Variants in SUN1 observed in about 807,000 individuals in gnomAD.
SUN1 encodes the protein Sad1 and UNC84 domain containing 1, also known as SUN domain-containing protein 1.
In SUN1, 61 loss-of-function variants were observed where a neutral mutation model predicts 103.2. The observed-to-expected ratio is 0.59, with a 90% CI of 0.48 to 0.73. The LOEUF is 0.73. Among genes scored for constraint, SUN1 ranks in the 30% least tolerant of loss-of-function variants. SUN1 has a pLI of 0.00. For missense variants in SUN1, 1,052 were observed against 1,034.6 expected (o/e 1.02, Z -0.23); for synonymous variants, 490 against 425.7 (o/e 1.15, Z -1.86).
intron 1 of SUN1, among the ~76,000 whole-genome samples, chr7:836,639 C>G (rs1030459194): frequency 6.6e-6 from 1 of 152,194 alleles, no homozygotes; most frequent in African/African-American, 2.4e-5. Flanking sequence ...TTACTGAAGC[C>G]TTCGTGTTCT....
At chr7:862,118 G>A (rs1022082672) in intron 15 of SUN1, among the ~76,000 whole-genome samples, 9 of 152,244 alleles carry the variant, frequency 5.9e-5, no homozygotes, top group African/African-American at 1.4e-4. Context: ...CCTGCTTCAC[G>A]TCCGCTCAGG....
Position 852,924 on chromosome 7 carries a change from C to T in SUN1, c.1025C>T (p.Thr342Met), listed in dbSNP as rs544208812. ...VDDPQDVFKP[T>M]TSRLKQPLQG... Reference sequence around the variant, plus strand: ...GACCCCCAGGACGTGTTTAAACCCACGACTTCTCGCCTGAAGCAGCCTCTG... The same window carrying T: ...GACCCCCAGGACGTGTTTAAACCCATGACTTCTCGCCTGAAGCAGCCTCTG... Residue 342 changes from threonine (T) to methionine (M), a missense_variant, in exon 9 of 19, where the codon ACG becomes ATG. By Grantham distance (81) the Thr-to-Met change is moderately conservative. Transcript: ENST00000401592. 3.9e-5 allele frequency: 63 copies of T among 1,613,576 alleles called. No individual in the cohort carries two copies. Among genetic ancestry groups the T allele is most frequent in the Admixed American group, 6.7e-5 (4 of 59,942 alleles).
At position 841,948 on chromosome 7, in the gene SUN1, C is replaced by T; in HGVS notation, c.269C>T (p.Thr90Ile). Residue 90 changes from threonine to isoleucine, a missense_variant and splice_region_variant, in exon 3 of 19, where the codon ACA becomes ATA. Around this residue, in one of 2 missense-constraint regions of SUN1, gnomAD observed 846 missense variants for 774.5 expected, o/e 1.09. Coordinates refer to ENST00000401592, the MANE Select transcript of SUN1 (RefSeq NM_001130965.3). ...AVSLKNRAARTTKQRRSTNKS... is the reference protein window; with the variant it reads ...AVSLKNRAARITKQRRSTNKS... ...TTGCTGTTTTTTTTTCTTCTTAGAA[C>T]AACAAAACAGCGCAGAAGCACAAAC... is the stretch of plus-strand genomic sequence containing the variant. 2 of 1,613,656 alleles carry T rather than the reference C, an allele frequency of 1.2e-6. No individual in the cohort carries two copies. The highest frequency in any genetic ancestry group is 2.2e-5 in the South Asian group (2 of 91,054).
At chr7:835,320 C>T (rs1161902842) in intron 1 of SUN1, among the ~76,000 whole-genome samples, 1 of 152,218 alleles carries the variant, frequency 6.6e-6, no homozygotes, top group Non-Finnish European at 1.5e-5. Flanking sequence ...CGAACACTTA[C>T]TCTCAACTTC....
At position 860,347 on chromosome 7, in the gene SUN1, G is replaced by A. The variant is rs751248118; in HGVS notation, c.1744G>A (p.Val582Met). 1 of 1,614,204 alleles carries A rather than the reference G, an allele frequency of 6.2e-7. No individual in the cohort carries two copies. Among genetic ancestry groups the A allele is most frequent in the Non-Finnish European group, 8.5e-7 (1 of 1,180,014 alleles). Residue 582 changes from valine to methionine, a missense_variant, in exon 14 of 19, where the codon GTG becomes ATG. Val to Met is a conservative substitution (Grantham distance 21, BLOSUM62 1). Transcript: ENST00000401592. ...AACCTCAGAAGCCGTGGTGTCTGCT[G>A]TGAGCGAGGCGGGGGCGTCTGGAAT... ...LPTSEAVVSA[V>M]SEAGASGITE...
At chr7:843,854 A>G in intron 5 of SUN1, 1 of 1,345,460 alleles carries the variant, frequency 7.4e-7, no homozygotes, top group South Asian at 1.7e-5. Flanking sequence ...AGATGTTCAC[A>G]CATACTGAAG....
intron 6 of SUN1, 100 bp from the exon 7 acceptor site, chr7:851,850 C>G: frequency 7.8e-7 from 1 of 1,274,618 alleles, no homozygotes. Context: ...CCAGCTTCAT[C>G]TTCATGTGCT....
chr7:842,206 C>A, intron 3 of SUN1, 76 bp downstream of exon 3: 1 of 1,519,564 alleles, frequency 6.6e-7, no homozygotes. Context: ...AGAGGGGAGG[C>A]GGTGGCCAGG....
intron 6 of SUN1, chr7:851,747 C>T: frequency 3.2e-6 from 2 of 629,470 alleles, no homozygotes; most frequent in Non-Finnish European, 5.5e-6. Flanking sequence ...CTGGGGCTTC[C>T]TCTCCTGCAT....
chr7:835,545 T>C (rs1051425437), intron 1 of SUN1, among the ~76,000 whole-genome samples: 13 of 152,320 alleles, frequency 8.5e-5, no homozygotes, highest in African/African-American at 2.4e-4. Flanking sequence ...TTGGGTGATT[T>C]CCCTCTTAAA....
intron 2 of SUN1, among the ~76,000 whole-genome samples, chr7:840,742 C>T (rs935807231): frequency 1.3e-5 from 2 of 150,096 alleles, no homozygotes; most frequent in African/African-American, 2.5e-5. Flanking sequence ...CCTGGGTTCA[C>T]GCCATTCTCC....
intron 1 of SUN1, chr7:817,540 C>A (rs1421953699): frequency 6.5e-7 from 1 of 1,533,376 alleles, no homozygotes; most frequent in Non-Finnish European, 8.7e-7. Flanking sequence ...CGCTTTGCAG[C>A]TTGTGGTTGC....
chr7:832,640 T>C, intron 1 of SUN1, 39 bp downstream of exon 1: 1 of 1,548,698 alleles, frequency 6.5e-7, no homozygotes, highest in Non-Finnish European at 8.9e-7. Flanking sequence ...GGCCTTGCAA[T>C]GCCCACTCGC....
At chr7:872,647 G>A (rs1195263140) in intron 18 of SUN1, 85 bp downstream of exon 18, 11 of 1,069,896 alleles carry the variant, frequency 1.0e-5, no homozygotes, top group East Asian at 2.6e-5. Context: ...TCAACAGACT[G>A]GAAAGCAGCG....
chr7:829,557 T>G (rs530412963), upstream of SUN1, among the ~76,000 whole-genome samples: 9 of 150,816 alleles, frequency 6.0e-5, no homozygotes, highest in East Asian at 1.2e-3. Flanking sequence ...GGTTTTTTTT[T>G]TTGTTTTTTT....
chr7:856,818 C>T (rs1469778108), intron 12 of SUN1, among the ~76,000 whole-genome samples: 1 of 152,172 alleles, frequency 6.6e-6, no homozygotes. Context: ...GGTTACAGCT[C>T]AGCCTCATCT....
chr7:823,168 C>T (rs11766365), intron 1 of SUN1, among the ~76,000 whole-genome samples: 65,508 of 152,112 alleles, frequency 0.43, 14,229 homozygotes, highest in East Asian at 0.5. Flanking sequence ...GCAGCGTTCA[C>T]TTGTTCTCCA....
intron 17 of SUN1, among the ~76,000 whole-genome samples, chr7:870,097 C>G (rs375685576): frequency 6.7e-6 from 1 of 149,732 alleles, no homozygotes; most frequent in South Asian, 2.1e-4. Context: ...TCCCAGATAC[C>G]TGGGAGGCTG....
intron 15 of SUN1, among the ~76,000 whole-genome samples, chr7:861,819 G>A (rs986875984): frequency 3.3e-5 from 5 of 152,208 alleles, no homozygotes; most frequent in African/African-American, 9.7e-5. Flanking sequence ...CCCCGAGGGC[G>A]TCCACTCAGC....
Sources: allele counts gnomAD v4.1 joint callset (sites outside exome capture counted in the v4.1 genomes callset), GRCh38; gene constraint gnomAD v4.1.1; regional missense constraint gnomAD v4.1.1; transcripts MANE v1.5; gene names NCBI Gene and HGNC (gene_info 2026-07-23, HGNC 2026-07-21).